The following TMC7 variants were observed in gnomAD, a reference collection of about 807,000 sequenced individuals.
The protein encoded by TMC7 is transmembrane channel like 7.
A neutral mutation model predicts 82.9 loss-of-function variants in TMC7; 54 were observed. That is an observed-to-expected ratio of 0.65 (90% CI 0.52 to 0.82). TMC7 has a LOEUF of 0.82. TMC7 is among the 40% of genes least tolerant of loss of function. TMC7 has a pLI of 0.00. For missense variants in TMC7, 820 were observed against 901.2 expected (o/e 0.91, Z 1.15); for synonymous variants, 350 against 337.9 (o/e 1.04, Z -0.39).
chr16:19,011,506 AAAATAAATAAAT>A (rs58092157), intron 2 of TMC7, among the ~76,000 whole-genome samples: 123 of 137,858 alleles, frequency 8.9e-4, no homozygotes, highest in Middle Eastern at 3.6e-3. Flanking sequence ...CTGTCTTTAC[AAAATAAATAAAT>A]AAATAAATAA....
At chr16:19,050,803 A>G (rs1225518139) in intron 12 of TMC7, among the ~76,000 whole-genome samples, 1 of 152,040 alleles carries the variant, frequency 6.6e-6, no homozygotes, top group Non-Finnish European at 1.5e-5. Flanking sequence ...GCCCGGCCTC[A>G]TCCTTCTTTA....
rs1441765220 is a variant in TMC7, at chr16:19,049,450, C to T, written c.1740+2201C>T. Reference sequence around the variant, plus strand: ...TCACTCCAGAGCCTAAGCTCTTAACCCAGTAAGCAAGGCCCTGAATTGGGC... The same window carrying T: ...TCACTCCAGAGCCTAAGCTCTTAACTCAGTAAGCAAGGCCCTGAATTGGGC... On this transcript the variant is annotated intron_variant, in intron 12 of 15. Coordinates refer to ENST00000304381, the MANE Select transcript of TMC7 (RefSeq NM_024847.4). Among the ~76,000 whole-genome samples, 3 of 152,300 alleles carry T rather than the reference C, an allele frequency of 2.0e-5. No individual in the cohort carries two copies. In the East Asian group the frequency reaches 5.8e-4, roughly 29 times the overall value.
At chr16:19,008,681 A>G (rs771967146) in intron 1 of TMC7, among the ~76,000 whole-genome samples, 3 of 152,090 alleles carry the variant, frequency 2.0e-5, no homozygotes, top group Non-Finnish European at 4.4e-5. Flanking sequence ...AGCTCTTAAC[A>G]CCATGCCTGA....
chr16:19,016,400 G>C (rs1424186761), intron 2 of TMC7, 50 bp from the exon 3 acceptor site: 4 of 1,609,512 alleles, frequency 2.5e-6, no homozygotes, highest in Non-Finnish European at 3.4e-6. Context: ...GGGATGCTGA[G>C]TCTTGATGCT....
intron 1 of TMC7, 145 bp downstream of exon 1, chr16:18,984,275 GGGAA>G: frequency 1.5e-6 from 2 of 1,337,046 alleles, no homozygotes; most frequent in Non-Finnish European, 1.9e-6. Context: ...AACAGCAGGT[GGGAA>G]GGAGATCTTC....
At chr16:19,030,759 A>G (rs2142238478) in intron 6 of TMC7, among the ~76,000 whole-genome samples, 1 of 151,970 alleles carries the variant, frequency 6.6e-6, no homozygotes, top group South Asian at 2.1e-4. Flanking sequence ...TTGTATTTTT[A>G]GTAGAGTTTC....
chr16:19,050,381 AAAAAAAAAAAACC>A (rs1961479321), intron 12 of TMC7, among the ~76,000 whole-genome samples: 1 of 151,492 alleles, frequency 6.6e-6, no homozygotes, highest in Non-Finnish European at 1.5e-5. Context: ...AAAAAAAAAA[AAAAAAAAAAAACC>A]AAAAAAAACA....
chr16:19,020,872 A>ATAAG (rs1959937130), intron 3 of TMC7, among the ~76,000 whole-genome samples: 4 of 151,360 alleles, frequency 2.6e-5, no homozygotes, highest in Non-Finnish European at 4.4e-5. Flanking sequence ...AAATAAATAA[A>ATAAG]TAAATAAATA....
chr16:18,991,229 G>A (rs962958226), intron 1 of TMC7, among the ~76,000 whole-genome samples: 11 of 152,144 alleles, frequency 7.2e-5, no homozygotes, highest in African/African-American at 2.2e-4. Context: ...TGATGGCCTG[G>A]ATATGGTTTT....
At chr16:19,024,492 A>G (rs988155625) in intron 5 of TMC7, among the ~76,000 whole-genome samples, 6 of 152,198 alleles carry the variant, frequency 3.9e-5, no homozygotes, top group African/African-American at 1.4e-4. Context: ...AGCTATGAAA[A>G]GTGGCTATCT....
chr16:18,990,131 G>C (rs1474823714), intron 1 of TMC7, among the ~76,000 whole-genome samples: 1 of 152,112 alleles, frequency 6.6e-6, no homozygotes, highest in East Asian at 1.9e-4. Context: ...CCTTCTTAAG[G>C]GTTGGGGAGA....
chr16:19,018,386 G>A (rs1050433318), intron 3 of TMC7, among the ~76,000 whole-genome samples: 2 of 152,112 alleles, frequency 1.3e-5, no homozygotes, highest in Admixed American at 6.6e-5. Flanking sequence ...GCTCGAACAG[G>A]CCTTCTTGCT....
At chr16:19,052,163 C>T (rs1021187203) in intron 13 of TMC7, among the ~76,000 whole-genome samples, 2 of 152,096 alleles carry the variant, frequency 1.3e-5, no homozygotes, top group Non-Finnish European at 2.9e-5. Context: ...AACTCCTGAC[C>T]TCAGGTGATC....
At chr16:19,040,589 T>A (rs1414382226) in intron 9 of TMC7, 143 bp downstream of exon 9, 3 of 688,806 alleles carry the variant, frequency 4.4e-6, no homozygotes, top group Non-Finnish European at 7.3e-6. Context: ...ACAGCCCCCA[T>A]GAATGAATCA....
At chr16:19,031,035 G>C (rs1373395974) in intron 6 of TMC7, among the ~76,000 whole-genome samples, 1 of 152,194 alleles carries the variant, frequency 6.6e-6, no homozygotes, top group Admixed American at 6.5e-5. Context: ...CAGATCCAAG[G>C]AAGGGAGGAA....
chr16:19,047,225 C>T lies in TMC7; in HGVS notation c.1716C>T (p.Phe572=). Residue 572 remains phenylalanine, a synonymous_variant, in exon 12 of 16, where the codon TTC becomes TTT. Transcript: ENST00000304381. ...TCCCTGCAATTGCAACCCTGAAATT[C>T]ATTATCATCTTCTATGTGAAAGAGG... is the stretch of plus-strand genomic sequence containing the variant. ...PLLPAIATLK[F]IIIFYVKEWS... 1 of 1,613,918 alleles carries T rather than the reference C, an allele frequency of 6.2e-7. No homozygotes were observed. Among genetic ancestry groups the T allele is most frequent in the South Asian group, 1.1e-5 (1 of 91,066 alleles).
At chr16:19,014,589 G>A (rs1253356596) in intron 2 of TMC7, among the ~76,000 whole-genome samples, 5 of 152,170 alleles carry the variant, frequency 3.3e-5, no homozygotes, top group Admixed American at 2.6e-4. Flanking sequence ...TTCCTCTCTC[G>A]CCTTCAGGCC....
chr16:19,054,637 CCTG>C, intron 13 of TMC7, among the ~76,000 whole-genome samples: 1 of 151,464 alleles, frequency 6.6e-6, no homozygotes. Flanking sequence ...ATCACTTGAA[CCTG>C]GGAGGCAGAG....
intron 12 of TMC7, among the ~76,000 whole-genome samples, chr16:19,048,263 AC>A (rs1258697039): frequency 6.6e-6 from 1 of 151,430 alleles, no homozygotes; most frequent in Non-Finnish European, 1.5e-5. Flanking sequence ...GGTGTGAGCC[AC>A]CCCGCCTGGA....
Sources: allele counts gnomAD v4.1 joint callset (sites outside exome capture counted in the v4.1 genomes callset), GRCh38; gene constraint gnomAD v4.1.1; transcripts MANE v1.5; gene names NCBI Gene and HGNC (gene_info 2026-07-23, HGNC 2026-07-21).